Variants in ATG7 observed in about 807,000 individuals in gnomAD.
The protein encoded by ATG7 is autophagy related 7.
In ATG7, 70 loss-of-function variants were observed where a neutral mutation model predicts 82.4. The observed-to-expected ratio is 0.85, with a 90% CI of 0.70 to 1.04. The LOEUF is 1.04. Ranked by LOEUF, ATG7 falls within the 50% of genes least tolerant of loss-of-function variation. The pLI is 0.00. For missense variants in ATG7, 792 were observed against 864.3 expected (o/e 0.92, Z 1.05); for synonymous variants, 287 against 313.0 (o/e 0.92, Z 0.88).
intron 3 of ATG7, among the ~76,000 whole-genome samples, chr3:11,283,486 A>G (rs1046214779): frequency 6.6e-6 from 1 of 152,170 alleles, no homozygotes; most frequent in African/African-American, 2.4e-5. Context: ...ATCCAGGTGC[A>G]GGGGGGTGAA....
In ATG7 at chr3:11,298,794, G is replaced by A. The variant is rs1946342761; in HGVS notation, c.99G>A (p.Lys33=). The change falls in exon 4 of 21, where the codon AAG becomes AAA. Residue 33 remains lysine, a synonymous_variant. Coordinates refer to ENST00000693202, the MANE Select transcript of ATG7 (RefSeq NM_001349232.2). ...DVGFWHELTQ[K]KLNEYRLDEA... is the part of the protein sequence containing the mutation. ...GGTTTTGGCATGAGTTGACCCAGAA[G>A]AAGCTGAACGAGTATCGGCTGGATG... 2 of 1,614,218 alleles carry A rather than the reference G, an allele frequency of 1.2e-6. No individual in the cohort carries two copies. The highest frequency in any genetic ancestry group is 1.7e-6 in the Non-Finnish European group (2 of 1,180,028).
chr3:11,505,591 C>T (rs1057151683), intron 20 of ATG7, among the ~76,000 whole-genome samples: 2 of 152,182 alleles, frequency 1.3e-5, no homozygotes, highest in Admixed American at 6.5e-5. Context: ...TCCTTACCTC[C>T]GACCGCAAAA....
At chr3:11,303,035 C>G (rs1369885706) in intron 5 of ATG7, among the ~76,000 whole-genome samples, 1 of 152,216 alleles carries the variant, frequency 6.6e-6, no homozygotes, top group Non-Finnish European at 1.5e-5. Flanking sequence ...CTGGTCCAGT[C>G]TTCTTCCATG....
chr3:11,501,330 A>G (rs1212223643), intron 20 of ATG7, among the ~76,000 whole-genome samples: 3 of 152,256 alleles, frequency 2.0e-5, no homozygotes, highest in African/African-American at 7.2e-5. Flanking sequence ...ACCCAGGGAT[A>G]TCAGAAAACC....
chr3:11,497,675 A>G (rs1173785350), intron 20 of ATG7, among the ~76,000 whole-genome samples: 1 of 151,704 alleles, frequency 6.6e-6, no homozygotes, highest in African/African-American at 2.4e-5. Flanking sequence ...AAAGCAGATC[A>G]GTTACTTAAT....
chr3:11,273,700 G>A (rs575949577), intron 1 of ATG7, among the ~76,000 whole-genome samples: 2 of 152,226 alleles, frequency 1.3e-5, no homozygotes, highest in South Asian at 4.1e-4. Flanking sequence ...TGGCATTATT[G>A]TGGGCACTGG....
intron 9 of ATG7, among the ~76,000 whole-genome samples, chr3:11,328,971 G>A (rs779748335): frequency 1.3e-5 from 2 of 152,160 alleles, no homozygotes; most frequent in African/African-American, 2.4e-5. Context: ...ATGCCTGTCT[G>A]TAGTCCCAGG....
At chr3:11,315,248 C>G in intron 8 of ATG7, 96 bp from the exon 9 acceptor site, 6 of 1,155,484 alleles carry the variant, frequency 5.2e-6, no homozygotes, top group Non-Finnish European at 5.8e-6. Context: ...CATTTCTAGT[C>G]TTCTGGTTTT....
At chr3:11,510,656 C>T (rs1655143614) in intron 20 of ATG7, among the ~76,000 whole-genome samples, 1 of 152,332 alleles carries the variant, frequency 6.6e-6, no homozygotes, top group South Asian at 2.1e-4. Flanking sequence ...ACATCCTCTT[C>T]CCAGGGCTTC....
chr3:11,351,777 C>A (rs2075564993), intron 14 of ATG7, among the ~76,000 whole-genome samples: 1 of 152,002 alleles, frequency 6.6e-6, no homozygotes, highest in South Asian at 2.1e-4. Context: ...ATGAAAAATA[C>A]TTGCGAAACT....
At chr3:11,462,435 G>A (rs1050547833) in intron 20 of ATG7, among the ~76,000 whole-genome samples, 1 of 152,186 alleles carries the variant, frequency 6.6e-6, no homozygotes, top group Non-Finnish European at 1.5e-5. Context: ...GCAGAAGACA[G>A]GAGCAAGGGG....
intron 20 of ATG7, among the ~76,000 whole-genome samples, chr3:11,440,322 T>TG (rs2083764453): frequency 5.9e-5 from 5 of 85,316 alleles, no homozygotes; most frequent in African/African-American, 2.4e-4. Flanking sequence ...TGGCCTTTAC[T>TG]CTTTTTTTTT....
intron 20 of ATG7, among the ~76,000 whole-genome samples, chr3:11,475,907 A>ACACACACACACACACC (rs766157655): frequency 1.2e-4 from 17 of 146,330 alleles, no homozygotes; most frequent in South Asian, 2.4e-4. Flanking sequence ...ACACACACAC[A>ACACACACACACACACC]CCCCCTCCCA....
At chr3:11,389,342 A>G (rs761166545) in intron 19 of ATG7, among the ~76,000 whole-genome samples, 3 of 148,520 alleles carry the variant, frequency 2.0e-5, no homozygotes. Flanking sequence ...TGTATTTATG[A>G]TAGTGATATG....
intron 19 of ATG7, among the ~76,000 whole-genome samples, chr3:11,406,935 G>T (rs765164299): frequency 2.6e-5 from 4 of 152,070 alleles, no homozygotes; most frequent in Non-Finnish European, 4.4e-5. Flanking sequence ...TATCATTCTG[G>T]CCCCGTCCCT....
chr3:11,313,324 C>G lies in ATG7; in HGVS notation c.432C>G (p.Phe144Leu), dbSNP rs965211964. Residue 144 changes from phenylalanine to leucine, a missense_variant, in exon 8 of 21, where the codon TTC becomes TTG. By Grantham distance (22) the Phe-to-Leu change is conservative. Transcript: ENST00000693202. ...LTFADLKKYH[F>L]YYWFCYPALC... ...TCTAGGATCTAAAGAAGTACCACTT[C>G]TACTATTGGTTTTGCTATCCTGCCC... 1 of 1,609,052 alleles carries G rather than the reference C, an allele frequency of 6.2e-7. No homozygotes were observed. Among genetic ancestry groups the G allele is most frequent in the Admixed American group, 1.7e-5 (1 of 59,522 alleles).
intron 20 of ATG7, 150 bp downstream of exon 20, chr3:11,427,076 G>A (rs2082421810): frequency 6.6e-6 from 7 of 1,064,632 alleles, no homozygotes; most frequent in South Asian, 2.0e-5. Context: ...ACCAGAGAAC[G>A]AATAACCCTC....
chr3:11,451,537 A>G (rs1025459069), intron 20 of ATG7, among the ~76,000 whole-genome samples: 1 of 152,092 alleles, frequency 6.6e-6, no homozygotes, highest in Admixed American at 6.6e-5. Context: ...GTGTCTACCT[A>G]ATGATTTTCA....
intron 20 of ATG7, 130 bp from the exon 21 acceptor site, chr3:11,554,681 C>T (rs1355521792): frequency 8.9e-7 from 1 of 1,119,014 alleles, no homozygotes; most frequent in Non-Finnish European, 1.3e-6. Flanking sequence ...AATGGGGTGA[C>T]AGTCCCTCAG....
Sources: gnomAD v4.1 joint callset for allele counts (sites outside exome capture counted in the v4.1 genomes callset) on GRCh38, gnomAD v4.1.1 for gene constraint, MANE v1.5 for transcripts, NCBI Gene and HGNC (gene_info 2026-07-23, HGNC 2026-07-21) for gene names.